Variants in SCD5 observed in about 807,000 individuals in gnomAD.
SCD5 encodes the protein acyl-CoA-desaturase 4.
SCD5 carries 20 observed loss-of-function variants against 30.4 expected under a neutral mutation model. The ratio of observed to expected loss-of-function variants is 0.66; its 90% CI spans 0.46 to 0.96. The LOEUF (loss-of-function observed/expected upper bound fraction) is 0.96. Among genes scored for constraint, SCD5 ranks in the 40% least tolerant of loss-of-function variants. The probability of loss-of-function intolerance (pLI) is 0.00; values close to 1 mark genes in which losing one functional copy is unlikely to be tolerated. For synonymous variants in SCD5, 173 were observed against 176.4 expected, an observed-to-expected ratio of 0.98 and a Z score of 0.16; for missense variants, 381 against 443.3, an observed-to-expected ratio of 0.86 and a Z score of 1.26.
At chr4:82,660,688 C>A in intron 3 of SCD5, 2 of 1,422,594 alleles carry the variant, frequency 1.4e-6, no homozygotes, top group Non-Finnish European at 9.2e-7. Context: ...GATTTTAGGA[C>A]CATATTTTAC....
chr4:82,717,081 T>G (rs1229143165), intron 1 of SCD5, among the ~76,000 whole-genome samples: 1 of 151,842 alleles, frequency 6.6e-6, no homozygotes, highest in Admixed American at 6.6e-5. Flanking sequence ...TTAGTATCCA[T>G]GGAGGGTTCC....
chr4:82,676,569 T>C (rs1299835368), intron 3 of SCD5, among the ~76,000 whole-genome samples: 1 of 152,212 alleles, frequency 6.6e-6, no homozygotes, highest in South Asian at 2.1e-4. Flanking sequence ...TATTTCCTGT[T>C]GGGAGAACAG....
intron 2 of SCD5, among the ~76,000 whole-genome samples, chr4:82,697,426 G>A (rs1183083249): frequency 5.9e-5 from 9 of 152,160 alleles, no homozygotes; most frequent in Middle Eastern, 3.2e-3. Context: ...AGTTCCCACC[G>A]TATCTGGAGA....
chr4:82,704,200 G>A (rs1719921219), intron 2 of SCD5, among the ~76,000 whole-genome samples: 1 of 152,140 alleles, frequency 6.6e-6, no homozygotes, highest in Admixed American at 6.5e-5. Context: ...GAAATATTCC[G>A]CATCAGGTTG....
At chr4:82,715,838 G>C (rs17006153) in intron 1 of SCD5, among the ~76,000 whole-genome samples, 11,824 of 151,846 alleles carry the variant, frequency 0.078, 683 homozygotes, top group East Asian at 0.18. Context: ...AAACTGAATG[G>C]TTTGGGGAAG....
At chr4:82,766,145 A>G (rs1453299217) in intron 1 of SCD5, among the ~76,000 whole-genome samples, 1 of 152,148 alleles carries the variant, frequency 6.6e-6, no homozygotes. Context: ...TTTAAATCAA[A>G]TTTGAAAATA....
chr4:82,711,238 T>C (rs114944415), intron 1 of SCD5, among the ~76,000 whole-genome samples: 1,912 of 152,200 alleles, frequency 0.013, 14 homozygotes, highest in Non-Finnish European at 0.019. Context: ...ACTATAAACT[T>C]GTGGTTCTGA....
At chr4:82,754,784 G>C (rs1297892532) in intron 1 of SCD5, among the ~76,000 whole-genome samples, 2 of 152,188 alleles carry the variant, frequency 1.3e-5, no homozygotes, top group Non-Finnish European at 2.9e-5. Context: ...CAGAGCCTGG[G>C]GATGAAGCTT....
In SCD5 at chr4:82,631,054, T is replaced by C. The variant is rs1162566363; in HGVS notation, c.*273A>G. The C allele has an allele frequency of 4.0e-6, 1 of 248,892 alleles. No homozygotes were observed. 15.4% of individuals were successfully genotyped at this position (248,892 alleles called of 1,614,324 possible). On this transcript the variant is annotated 3_prime_UTR_variant, in exon 5 of 5. Transcript: ENST00000319540. Reference sequence around the variant, plus strand: ...TGAACCAGGTAGGTGGAGGCTGCAGTGAGCCGAGACTGCGCCACTGCACTC... The same window carrying C: ...TGAACCAGGTAGGTGGAGGCTGCAGCGAGCCGAGACTGCGCCACTGCACTC...
intron 3 of SCD5, among the ~76,000 whole-genome samples, chr4:82,680,084 G>A (rs1728535877): frequency 6.6e-6 from 1 of 152,142 alleles, no homozygotes; most frequent in African/African-American, 2.4e-5. Context: ...CACAATTGTA[G>A]GCACTCTTTC....
chr4:82,747,637 T>A (rs567558731), intron 1 of SCD5, among the ~76,000 whole-genome samples: 4 of 152,228 alleles, frequency 2.6e-5, no homozygotes, highest in African/African-American at 9.6e-5. Flanking sequence ...ATCAAACAGA[T>A]ACCAGCTGTC....
intron 1 of SCD5, among the ~76,000 whole-genome samples, chr4:82,742,551 C>T (rs1285202572): frequency 6.6e-6 from 1 of 152,170 alleles, no homozygotes; most frequent in Non-Finnish European, 1.5e-5. Flanking sequence ...CTTTGGGAGG[C>T]CGAGGTGGGT....
At chr4:82,756,780 C>G (rs1721243980) in intron 1 of SCD5, among the ~76,000 whole-genome samples, 1 of 151,936 alleles carries the variant, frequency 6.6e-6, no homozygotes, top group African/African-American at 2.4e-5. Context: ...ACAACATCTC[C>G]CTCCTTGGTC....
intron 1 of SCD5, among the ~76,000 whole-genome samples, chr4:82,744,729 C>A (rs372535618): frequency 3.9e-4 from 60 of 152,038 alleles, no homozygotes; most frequent in Non-Finnish European, 7.4e-4. Flanking sequence ...CAATAACATG[C>A]TTGAAGAATT....
intron 1 of SCD5, among the ~76,000 whole-genome samples, chr4:82,718,082 T>TAAAA (rs1304266095): frequency 1.7e-4 from 24 of 143,024 alleles, no homozygotes; most frequent in African/African-American, 4.4e-4. Context: ...CTTTTTTTTT[T>TAAAA]AAAAAAAAAA....
chr4:82,742,465 A>C (rs1032759651), intron 1 of SCD5, among the ~76,000 whole-genome samples: 1 of 152,182 alleles, frequency 6.6e-6, no homozygotes, highest in Non-Finnish European at 1.5e-5. Flanking sequence ...TAGAATAAAT[A>C]AATCCCCAGA....
chr4:82,730,073 A>G (rs1720594603), intron 1 of SCD5, among the ~76,000 whole-genome samples: 1 of 151,890 alleles, frequency 6.6e-6, no homozygotes, highest in African/African-American at 2.4e-5. Flanking sequence ...CCCCATGTGT[A>G]TTTGTGATGT....
intron 1 of SCD5, among the ~76,000 whole-genome samples, chr4:82,756,811 C>G (rs890386518): frequency 6.6e-6 from 1 of 152,030 alleles, no homozygotes; most frequent in African/African-American, 2.4e-5. Flanking sequence ...TAGTCTTGCC[C>G]CCCTCAAATC....
At chr4:82,662,883 T>C (rs890124468) in intron 3 of SCD5, among the ~76,000 whole-genome samples, 10 of 146,200 alleles carry the variant, frequency 6.8e-5, no homozygotes, top group Non-Finnish European at 1.2e-4. Flanking sequence ...AAAACACACA[T>C]GGTAGAAATC....
Sources: allele counts gnomAD v4.1 joint callset (sites outside exome capture counted in the v4.1 genomes callset), GRCh38; gene constraint gnomAD v4.1.1; transcripts MANE v1.5; gene names NCBI Gene and HGNC (gene_info 2026-07-23, HGNC 2026-07-21).